The following NUP85 variants were observed in gnomAD, a reference collection of about 807,000 sequenced individuals.
The protein encoded by NUP85 is nucleoporin 85.
Under a neutral mutation model 92.8 loss-of-function variants are expected in NUP85, and 23 were observed. That is an observed-to-expected ratio of 0.25 (90% CI 0.18 to 0.35). The LOEUF is 0.35. Among genes scored for constraint, NUP85 ranks in the 10% least tolerant of loss-of-function variants. The pLI, the probability that NUP85 is intolerant of heterozygous loss-of-function variation, is 1.00. For missense variants in NUP85, 759 were observed against 822.8 expected, an observed-to-expected ratio of 0.92 and a Z score of 0.95; for synonymous variants, 314 against 306.9, an observed-to-expected ratio of 1.02 and a Z score of -0.24.
In NUP85 at chr17:75,225,174, C is replaced by A; in HGVS notation, c.669C>A (p.Ser223Arg). The change falls in exon 8 of 19, where the codon AGC (serine) becomes AGA (arginine). Residue 223 changes from serine to arginine, a missense_variant. Physicochemically the swap from Ser to Arg is moderately radical, Grantham distance 110 (BLOSUM62 -1). Transcript: ENST00000245544. Reference sequence around the variant, plus strand: ...TGCTCTCCAAGGAAGCCGATGCCAGCCCCGCCTCTGCAGGCATATGCCGAA... The same window carrying A: ...TGCTCTCCAAGGAAGCCGATGCCAGACCCGCCTCTGCAGGCATATGCCGAA... ...RQMLSKEADA[S>R]PASAGICRIM... 1 of 1,608,310 alleles carries A rather than the reference C, an allele frequency of 6.2e-7. No individual in the cohort carries two copies. The highest frequency in any genetic ancestry group is 8.5e-7 in the Non-Finnish European group (1 of 1,176,380).
intron 5 of NUP85, among the ~76,000 whole-genome samples, chr17:75,214,681 A>G (rs1307348125): frequency 6.6e-6 from 1 of 151,652 alleles, no homozygotes; most frequent in Non-Finnish European, 1.5e-5. Context: ...CAACACGGAA[A>G]CTCCATCTCT....
At chr17:75,211,513 G>A (rs1196688149) in intron 3 of NUP85, among the ~76,000 whole-genome samples, 2 of 148,284 alleles carry the variant, frequency 1.3e-5, no homozygotes, top group African/African-American at 2.5e-5. Context: ...TGCAACCTCC[G>A]CCTGCCGGGT....
rs767201382 is a variant in NUP85, at chr17:75,225,343, C to T, written c.734C>T (p.Pro245Leu). ...TCTCATGGCTGGTCTCTCCCTTAGC[C>T]CGGGAACACCCAGACACTGACAGAG... ...DLMRTMPILS[P>L]GNTQTLTELE... The change falls in exon 9 of 19, where the codon CCC (proline) becomes CTC (leucine). Residue 245 changes from proline (P) to leucine (L), a missense_variant and splice_region_variant. Physicochemically the swap from Pro to Leu is moderately conservative, Grantham distance 98. Coordinates refer to ENST00000245544, the MANE Select transcript of NUP85 (RefSeq NM_024844.5). The T allele has an allele frequency of 1.2e-6, 2 of 1,614,204 alleles. No homozygotes were observed. The highest frequency in any genetic ancestry group is 2.2e-5 in the South Asian group (2 of 91,082).
At position 75,218,318 on chromosome 17, in the gene NUP85, C is replaced by T. The variant is rs753040071; in HGVS notation, c.597+12C>T. 3.9e-5 allele frequency: 63 copies of T among 1,612,034 alleles called. 3 individuals carry two copies. Among genetic ancestry groups the T allele is most frequent in the South Asian group, 2.5e-4 (23 of 91,016 alleles). On this transcript the variant is annotated intron_variant, in intron 7 of 18. Coordinates refer to ENST00000245544, the MANE Select transcript of NUP85 (RefSeq NM_024844.5). ...GCTTCTGGAACTTGGTAAGACAGGC[C>T]GGGCCCCCACCTCCCACCATGTGTC...
chr17:75,206,681 G>A (rs545402648), intron 1 of NUP85, among the ~76,000 whole-genome samples: 1 of 152,182 alleles, frequency 6.6e-6, no homozygotes, highest in South Asian at 2.1e-4. Flanking sequence ...CTCAGGGTAG[G>A]TAGAGGGATT....
In NUP85 at chr17:75,225,334, T is replaced by C; in HGVS notation, c.733-8T>C. 1.9e-6 allele frequency: 3 copies of C among 1,614,160 alleles called. No homozygotes were observed. The highest frequency in any genetic ancestry group is 2.5e-6 in the Non-Finnish European group (3 of 1,180,012). On this transcript the variant is annotated splice_polypyrimidine_tract_variant and splice_region_variant and intron_variant, in intron 8 of 18. Transcript: ENST00000245544. ...GGGATGACGTCTCATGGCTGGTCTC[T>C]CCCTTAGCCCGGGAACACCCAGACA...
At position 75,231,312 on chromosome 17, in the gene NUP85, C is replaced by T. The variant is rs755626871; in HGVS notation, c.1095-28C>T. 9.0e-5 allele frequency: 145 copies of T among 1,613,362 alleles called. No individual in the cohort carries two copies. Among genetic ancestry groups the T allele is most frequent in the Non-Finnish European group, 1.2e-4 (139 of 1,179,444 alleles). ...GGACGCGGCCTGTGCCCTGATTTTC[C>T]TTCTTGCCTTGGTGTCTGAATCTGC... is the stretch of plus-strand genomic sequence containing the variant. On this transcript the variant is annotated intron_variant, in intron 11 of 18. Coordinates refer to ENST00000245544, the MANE Select transcript of NUP85 (RefSeq NM_024844.5). The surrounding 1 kb of genome is among the most constrained non-coding windows in gnomAD (Gnocchi z 4.6).
intron 11 of NUP85, chr17:75,226,725 C>T (rs2075810480): frequency 4.5e-6 from 2 of 449,248 alleles, no homozygotes; most frequent in Admixed American, 2.4e-5. Context: ...CTACCATATA[C>T]ATAACTGTTT....
intron 16 of NUP85, among the ~76,000 whole-genome samples, chr17:75,233,431 T>C (rs12936570): frequency 2.2e-4 from 6 of 27,588 alleles, no homozygotes; most frequent in Admixed American, 7.3e-4. Flanking sequence ...TTTTCTTTTA[T>C]TTTTTCTTTT....
Position 75,234,633 on chromosome 17 carries a change from A to G in NUP85, c.1616-4A>G. The G allele has an allele frequency of 1.2e-6, 2 of 1,613,982 alleles. No individual in the cohort carries two copies. Among genetic ancestry groups the G allele is most frequent in the Non-Finnish European group, 1.7e-6 (2 of 1,179,812 alleles). On this transcript the variant is annotated splice_polypyrimidine_tract_variant and splice_region_variant and intron_variant, in intron 16 of 18. Coordinates refer to ENST00000245544, the MANE Select transcript of NUP85 (RefSeq NM_024844.5). ...GGTTACTCAGTGCTCTTGTTTCGCCATAGGAAAGTATCGCGAGTTCCACCG... is the reference window on the plus strand; with the variant it reads ...GGTTACTCAGTGCTCTTGTTTCGCCGTAGGAAAGTATCGCGAGTTCCACCG...
At chr17:75,230,318 G>C (rs1425571705) in intron 11 of NUP85, among the ~76,000 whole-genome samples, 4 of 151,648 alleles carry the variant, frequency 2.6e-5, no homozygotes, top group Non-Finnish European at 2.9e-5. Context: ...TGGGATTACA[G>C]GAATGAGCCA....
chr17:75,218,251 C>G lies in NUP85; in HGVS notation c.542C>G (p.Ser181Trp). Residue 181 changes from serine to tryptophan, a missense_variant, in exon 7 of 19, where the codon TCG becomes TGG. Transcript: ENST00000245544. ...CATGTGTGCGAGGTGGACAGTTTGT[C>G]GGCAGATGTTCTGGGCAGTGAGAAT... ...RLHVCEVDSL[S>W]ADVLGSENPS... 6.2e-7 allele frequency: 1 copy of G among 1,613,886 alleles called. No homozygotes were observed.
chr17:75,233,062 C>A lies in NUP85; in HGVS notation c.1519C>A (p.Leu507Ile), dbSNP rs200364754. ...TCTCTGGGCCGGGCCCTGCAGGTTC[C>A]TCAGGGATTACTGTGAGCGAGGCTG... ...AFATLVSDRF[L>I]RDYCERGCFS... The change falls in exon 16 of 19, where the codon CTC (leucine) becomes ATC (isoleucine). Residue 507 changes from leucine to isoleucine, a missense_variant. Coordinates refer to ENST00000245544, the MANE Select transcript of NUP85 (RefSeq NM_024844.5). 6.2e-7 allele frequency: 1 copy of A among 1,614,122 alleles called. No individual in the cohort carries two copies. Among genetic ancestry groups the A allele is most frequent in the South Asian group, 1.1e-5 (1 of 91,080 alleles).
At chr17:75,208,279 TGA>T in intron 1 of NUP85, 1 of 329,240 alleles carries the variant, frequency 3.0e-6, no homozygotes, top group Admixed American at 5.7e-5. Context: ...CTACTAAAAA[TGA>T]AAAAAAAAAA....
Position 75,218,166 on chromosome 17 carries a change from T to A in NUP85, c.476-19T>A. 6.2e-7 allele frequency: 1 copy of A among 1,613,678 alleles called. No homozygotes were observed. Among genetic ancestry groups the A allele is most frequent in the Non-Finnish European group, 8.5e-7 (1 of 1,179,696 alleles). On this transcript the variant is annotated intron_variant, in intron 6 of 18. Transcript: ENST00000245544. ...ATGAAGCTGAGGCTTTTGTGTGTGA[T>A]GAGAGTCTCTCCTCCCAGCTGGCCC...
At chr17:75,227,326 GTTTTTTTT>G (rs71159460) in intron 11 of NUP85, among the ~76,000 whole-genome samples, 1 of 114,146 alleles carries the variant, frequency 8.8e-6, no homozygotes, top group East Asian at 2.5e-4. Context: ...TTGTTTCTGG[GTTTTTTTT>G]TTTTTTTTTT....
chr17:75,215,246 G>A (rs973356067), intron 5 of NUP85, among the ~76,000 whole-genome samples: 2 of 152,134 alleles, frequency 1.3e-5, no homozygotes, highest in East Asian at 1.9e-4. Context: ...ACAAGGTCTC[G>A]CTCTTGCCCA....
At chr17:75,208,767 A>G (rs893671585) in intron 2 of NUP85, 147 bp downstream of exon 2, 2 of 663,084 alleles carry the variant, frequency 3.0e-6, no homozygotes, top group African/African-American at 1.8e-5. Context: ...TCAAGATACA[A>G]CAGGGTTTTG....
At position 75,208,588 on chromosome 17, in the gene NUP85, T is replaced by C. The variant is rs1598261192; in HGVS notation, c.95T>C (p.Met32Thr). 2.4e-5 allele frequency: 38 copies of C among 1,608,336 alleles called. No individual in the cohort carries two copies. The East Asian group carries it at 8.5e-4, about 36-fold the overall frequency. Residue 32 changes from methionine to threonine, a missense_variant, in exon 2 of 19, where the codon ATG (methionine) becomes ACG (threonine). By Grantham distance (81) the Met-to-Thr change is moderately conservative. Transcript: ENST00000245544. The part of the protein sequence containing the change: ...QMYFDWGPGE[M>T]LVCETSFNKK... ...TATTTTGACTGGGGTCCAGGGGAGATGCTGGTATGTGAAACCTCCTTCAAC... is the reference window on the plus strand; with the variant it reads ...TATTTTGACTGGGGTCCAGGGGAGACGCTGGTATGTGAAACCTCCTTCAAC...
Sources: allele counts gnomAD v4.1 joint callset (sites outside exome capture counted in the v4.1 genomes callset), GRCh38; gene constraint gnomAD v4.1.1; non-coding constraint Gnocchi (gnomAD v3.1); transcripts MANE v1.5; gene names NCBI Gene and HGNC (gene_info 2026-07-23, HGNC 2026-07-21).